Variants in COPA observed in about 807,000 individuals in gnomAD.
The protein encoded by COPA is coat protein complex I subunit alpha, also known as coatomer subunit alpha.
In COPA, 10 loss-of-function variants were observed where a neutral mutation model predicts 158.7. The ratio of observed to expected loss-of-function variants is 0.06; its 90% confidence interval spans 0.04 to 0.11. The LOEUF (loss-of-function observed/expected upper bound fraction) is 0.11, where lower values mean the gene tolerates loss of function less well. Ranked by LOEUF, COPA falls within the 10% of genes least tolerant of loss-of-function variation. The pLI is 1.00. For missense variants in COPA, 1,065 were observed against 1,536.7 expected (o/e 0.69, Z 5.13); for synonymous variants, 462 against 542.8 (o/e 0.85, Z 2.07).
chr1:160,313,059 GAA>G, intron 10 of COPA, 24 bp downstream of exon 10: 1 of 1,601,320 alleles, frequency 6.2e-7, no homozygotes, highest in Non-Finnish European at 8.5e-7. Context: ...ATTAAGCAAA[GAA>G]AAAAGAGAGA....
chr1:160,303,926 A>T (rs1212284954), intron 17 of COPA, among the ~76,000 whole-genome samples: 1 of 152,214 alleles, frequency 6.6e-6, no homozygotes, highest in Non-Finnish European at 1.5e-5. Context: ...AGAACAGCAA[A>T]ACAAAATTAC....
chr1:160,325,229 G>A lies in COPA; in HGVS notation c.606+314C>T, dbSNP rs141315461. Among the ~76,000 whole-genome samples, 111 of 152,250 alleles carry A rather than the reference G, an allele frequency of 7.3e-4. 1 individual carries two copies. Among genetic ancestry groups the A allele is most frequent in the African/African-American group, 2.6e-3 (107 of 41,540 alleles). ...CACATGGCTGGTTCTCGATAACTCC[G>A]ATTAAATTTCCTGCTGCCCTGCCTT... On this transcript the variant is annotated intron_variant, in intron 7 of 32. Transcript: ENST00000241704.
intron 6 of COPA, among the ~76,000 whole-genome samples, chr1:160,328,739 G>A (rs59942436): frequency 0.033 from 5,027 of 152,230 alleles, 278 homozygotes; most frequent in African/African-American, 0.12. Flanking sequence ...AGTTAAGAAA[G>A]TAACCTTTTA....
chr1:160,303,420 C>T (rs978396748), intron 17 of COPA, among the ~76,000 whole-genome samples: 2 of 152,196 alleles, frequency 1.3e-5, no homozygotes, highest in Admixed American at 6.5e-5. Flanking sequence ...AAAGACGAGA[C>T]TGCAGAACAA....
intron 5 of COPA, among the ~76,000 whole-genome samples, chr1:160,333,233 A>C (rs1647612203): frequency 6.6e-6 from 1 of 152,182 alleles, no homozygotes; most frequent in Non-Finnish European, 1.5e-5. Context: ...CAAGGCCATC[A>C]CTTTAAATGG....
At chr1:160,311,609 G>C (rs182920122) in intron 11 of COPA, among the ~76,000 whole-genome samples, 1 of 151,882 alleles carries the variant, frequency 6.6e-6, no homozygotes, top group Non-Finnish European at 1.5e-5. Context: ...TTAGCCAGGC[G>C]TGGTGGCGGG....
chr1:160,312,168 T>C, intron 10 of COPA, 150 bp from the exon 11 acceptor site: 1 of 736,518 alleles, frequency 1.4e-6, no homozygotes, highest in East Asian at 2.7e-5. Flanking sequence ...ATTCTTGGAA[T>C]CTTTATTTAA....
At chr1:160,293,612 A>G (rs1196180600) in intron 25 of COPA, 149 bp from the exon 26 acceptor site, 5 of 634,948 alleles carry the variant, frequency 7.9e-6, no homozygotes, top group African/African-American at 5.7e-5. Context: ...CTCCAACCTC[A>G]GCTTCCCGAG....
intron 7 of COPA, among the ~76,000 whole-genome samples, chr1:160,324,160 C>T (rs993030469): frequency 1.6e-4 from 24 of 152,010 alleles, no homozygotes; most frequent in African/African-American, 5.3e-4. Flanking sequence ...TGCGCCCGCC[C>T]GAAAACTTTT....
chr1:160,309,931 A>T (rs906885211), intron 12 of COPA, among the ~76,000 whole-genome samples: 2 of 152,148 alleles, frequency 1.3e-5, no homozygotes, highest in Admixed American at 6.5e-5. Context: ...ACATTCTCTC[A>T]AATTATTTCT....
chr1:160,335,186 G>A, intron 4 of COPA, 56 bp downstream of exon 4: 1 of 1,469,526 alleles, frequency 6.8e-7, no homozygotes, highest in South Asian at 1.3e-5. Context: ...ATCAAATAAA[G>A]ATTACTATGG....
In COPA at chr1:160,299,126, G is replaced by A. The variant is rs1487133132; in HGVS notation, c.1806C>T (p.Ala602=). Residue 602 remains alanine, a synonymous_variant, in exon 18 of 33, where the codon GCC becomes GCT. Transcript: ENST00000241704. ...IDPTEFKFKL[A]LINRKYDEVL... ...CCTCATCATATTTTCTGTTGATCAG[G>A]GCCAGCTTGAATTTGAACTCAGTGG... 1 of 1,613,960 alleles carries A rather than the reference G, an allele frequency of 6.2e-7. No homozygotes were observed. Among genetic ancestry groups the A allele is most frequent in the African/African-American group, 1.3e-5 (1 of 74,878 alleles).
chr1:160,310,242 C>G lies in COPA; in HGVS notation c.1093G>C (p.Val365Leu). The G allele has an allele frequency of 6.2e-7, 1 of 1,602,374 alleles. No homozygotes were observed. The highest frequency in any genetic ancestry group is 8.5e-7 in the Non-Finnish European group (1 of 1,174,118). The change falls in exon 12 of 33, where the codon GTA becomes CTA. Residue 365 changes from valine to leucine, a missense_variant. By Grantham distance (32) the Val-to-Leu change is conservative. Coordinates refer to ENST00000241704, the MANE Select transcript of COPA (RefSeq NM_004371.4). ...GCTGGATTGTATGACATATTGAATA[C>G]TGGAAACTTGGAACCACTAGAGATA... is the stretch of plus-strand genomic sequence containing the variant. ...MQLRSGSKFP[V>L]FNMSYNPAEN...
intron 12 of COPA, among the ~76,000 whole-genome samples, chr1:160,309,742 CTTTTT>C (rs10714948): frequency 7.6e-6 from 1 of 131,256 alleles, no homozygotes; most frequent in Non-Finnish European, 1.6e-5. Context: ...AATGTCATTT[CTTTTT>C]TTTTTTTTTT....
rs559780460 is a variant in COPA at position 160,311,920 on chromosome 1, G to A, written c.1024C>T (p.Arg342Ter). ...TTGGAGCTGTTGAAATCCAGCTGTC[G>A]TAAGAATCGGTCCTTGACATAGTGT... The part of the protein sequence containing the change: ...MLHYVKDRFL[R>*]QLDFNSSKDV... The change falls in exon 11 of 33, where the codon CGA (arginine) becomes TGA (stop). Residue 342 changes from arginine (R) to a stop codon, truncating the protein, a stop_gained. Transcript: ENST00000241704. LOFTEE classifies it high-confidence loss of function. 1 of 1,614,008 alleles carries A rather than the reference G, an allele frequency of 6.2e-7. No individual in the cohort carries two copies.
rs1434693000 is a variant in COPA at position 160,343,216 on chromosome 1, C to A, written c.-46G>T. The A allele has an allele frequency of 1.1e-5, 18 of 1,613,258 alleles. No homozygotes were observed. The Admixed American group carries it at 2.7e-4, about 24-fold the overall frequency. On this transcript the variant is annotated 5_prime_UTR_variant, in exon 1 of 33. Transcript: ENST00000241704. ...ATGTCTTAATCCGAGCCCCGACACA[C>A]CCTGCTGCCCTTCGGACGCCTCCAC...
At chr1:160,311,712 A>G (rs1481732737) in intron 11 of COPA, among the ~76,000 whole-genome samples, 156 bp downstream of exon 11, 1 of 151,820 alleles carries the variant, frequency 6.6e-6, no homozygotes, top group Non-Finnish European at 1.5e-5. Context: ...GCGCCACTGC[A>G]CTCCAGCCTG....
intron 13 of COPA, 106 bp downstream of exon 13, chr1:160,308,995 T>C (rs2101840617): frequency 2.4e-6 from 2 of 849,424 alleles, no homozygotes; most frequent in Non-Finnish European, 4.0e-6. Context: ...CAGACATGAG[T>C]GATGTGGCCA....
chr1:160,290,772 T>A (rs1455855703), intron 31 of COPA, 86 bp from the exon 32 acceptor site: 28 of 1,275,300 alleles, frequency 2.2e-5, no homozygotes, highest in Non-Finnish European at 2.9e-5. Context: ...GGTAGTTCCG[T>A]TGATGTGAGA....
Sources: allele counts gnomAD v4.1 joint callset (sites outside exome capture counted in the v4.1 genomes callset), GRCh38; gene constraint gnomAD v4.1.1; transcripts MANE v1.5; gene names NCBI Gene and HGNC (gene_info 2026-07-23, HGNC 2026-07-21).